PACRG: variants seen among roughly 807,000 people sequenced by gnomAD.
PACRG encodes parkin coregulated, also known as parkin coregulated gene protein.
A neutral mutation model predicts 29.7 loss-of-function variants in PACRG; 29 were observed. The ratio of observed to expected loss-of-function variants is 0.98; its 90% CI spans 0.73 to 1.33. PACRG has a LOEUF of 1.33. Ranked by LOEUF, PACRG falls within the 40% of genes most tolerant of loss-of-function variation. The probability of loss-of-function intolerance (pLI) is 0.00; values close to 1 mark genes in which losing one functional copy is unlikely to be tolerated. For synonymous variants in PACRG, 116 were observed against 118.7 expected, an observed-to-expected ratio of 0.98 and a Z score of 0.15; for missense variants, 279 against 316.2, an observed-to-expected ratio of 0.88 and a Z score of 0.89.
At chr6:163,203,813 C>T (rs941889628) in intron 4 of PACRG, among the ~76,000 whole-genome samples, 1 of 152,176 alleles carries the variant, frequency 6.6e-6, no homozygotes, top group Non-Finnish European at 1.5e-5. Context: ...TGTCATTGAG[C>T]TGATGCATGT....
At chr6:163,255,212 A>T (rs978805690) in intron 4 of PACRG, among the ~76,000 whole-genome samples, 7 of 152,196 alleles carry the variant, frequency 4.6e-5, no homozygotes, top group African/African-American at 9.7e-5. Context: ...GTCACCTGGG[A>T]GGCTCAGGAA....
intron 3 of PACRG, among the ~76,000 whole-genome samples, chr6:163,088,398 A>G (rs549132290): frequency 1.3e-5 from 2 of 152,272 alleles, no homozygotes; most frequent in African/African-American, 4.8e-5. Context: ...TACTTAAACC[A>G]TGGTACTTTT....
chr6:163,081,582 C>A (rs1813078466), intron 3 of PACRG, among the ~76,000 whole-genome samples: 1 of 152,112 alleles, frequency 6.6e-6, no homozygotes, highest in African/African-American at 2.4e-5. Flanking sequence ...CATAGTGAGA[C>A]CCCATCTCTA....
chr6:162,930,903 C>T (rs754456798), intron 2 of PACRG, among the ~76,000 whole-genome samples: 3 of 151,842 alleles, frequency 2.0e-5, no homozygotes, highest in Admixed American at 6.6e-5. Context: ...GTGGAAACCT[C>T]CTTGCATCCC....
rs527439508 is a variant in PACRG, at chr6:163,156,205, A to G, written c.613+66797A>G. Among the ~76,000 whole-genome samples the G allele has an allele frequency of 2.2e-3, 337 of 152,304 alleles. 3 individuals are homozygous for G. Among genetic ancestry groups the G allele is most frequent in the African/African-American group, 7.6e-3 (316 of 41,558 alleles). ...CTCTGGGCTTCAGCCACCGCCTTTAAGCTCATGACTCCGAAATTTCAGTTT... is the reference window on the plus strand; with the variant it reads ...CTCTGGGCTTCAGCCACCGCCTTTAGGCTCATGACTCCGAAATTTCAGTTT... On this transcript the variant is annotated intron_variant, in intron 4 of 4. Coordinates refer to ENST00000366888, the MANE Select transcript of PACRG (RefSeq NM_001080379.2).
chr6:163,217,917 A>T (rs530372531), intron 4 of PACRG, among the ~76,000 whole-genome samples: 125 of 152,124 alleles, frequency 8.2e-4, no homozygotes, highest in Non-Finnish European at 1.5e-3. Flanking sequence ...ATTTCATTAT[A>T]TATTACAATG....
chr6:162,988,223 G>T (rs1803080603), intron 2 of PACRG, among the ~76,000 whole-genome samples: 1 of 152,152 alleles, frequency 6.6e-6, no homozygotes, highest in Non-Finnish European at 1.5e-5. Flanking sequence ...CTTCCTCTCT[G>T]AGTCCAGGAG....
At chr6:162,974,848 C>T (rs1801816693) in intron 2 of PACRG, among the ~76,000 whole-genome samples, 1 of 152,134 alleles carries the variant, frequency 6.6e-6, no homozygotes, top group Non-Finnish European at 1.5e-5. Context: ...ATGAGTGGGG[C>T]TTGAACCTGG....
intron 4 of PACRG, among the ~76,000 whole-genome samples, chr6:163,250,863 G>A (rs182567819): frequency 1.3e-4 from 19 of 146,950 alleles, no homozygotes; most frequent in African/African-American, 4.5e-4. Context: ...ATCAATCAAT[G>A]AGTGGATAAA....
chr6:162,772,056 A>C (rs1398591261), intron 1 of PACRG, among the ~76,000 whole-genome samples: 1 of 152,198 alleles, frequency 6.6e-6, no homozygotes, highest in East Asian at 1.9e-4. Context: ...AATTTGATAA[A>C]AAGATAAGAT....
In PACRG at chr6:163,006,930, T is replaced by A. The variant is rs1441047814; in HGVS notation, c.292-55220T>A. Among the ~76,000 whole-genome samples the A allele has an allele frequency of 3.9e-5, 6 of 152,210 alleles. No homozygotes were observed. In the South Asian group the frequency reaches 6.2e-4, roughly 16 times the overall value. Reference sequence around the variant, plus strand: ...TTTTGATTAATTGCTTCTATTATGATTATGATGTGGTTGTTTCATAAATGT... The same window carrying A: ...TTTTGATTAATTGCTTCTATTATGAATATGATGTGGTTGTTTCATAAATGT... On this transcript the variant is annotated intron_variant, in intron 2 of 4. Coordinates refer to ENST00000366888, the MANE Select transcript of PACRG (RefSeq NM_001080379.2).
intron 4 of PACRG, among the ~76,000 whole-genome samples, chr6:163,122,420 G>A (rs573968724): frequency 2.0e-5 from 3 of 152,172 alleles, no homozygotes; most frequent in African/African-American, 4.8e-5. Flanking sequence ...GGAGCCTACC[G>A]GGCGGTGTTT....
intron 4 of PACRG, among the ~76,000 whole-genome samples, chr6:163,134,999 A>G (rs1585253819): frequency 1.3e-5 from 2 of 152,120 alleles, no homozygotes; most frequent in South Asian, 4.1e-4. Flanking sequence ...ATCATTCTTT[A>G]TCATTCACAC....
intron 2 of PACRG, among the ~76,000 whole-genome samples, chr6:163,006,373 A>T (rs1444073234): frequency 6.6e-6 from 1 of 151,168 alleles, no homozygotes; most frequent in Non-Finnish European, 1.5e-5. Context: ...TCTGGGTGTA[A>T]AGAAGATACA....
intron 3 of PACRG, 79 bp from the exon 4 acceptor site, chr6:163,089,180 A>G (rs919294276): frequency 4.1e-6 from 6 of 1,454,920 alleles, no homozygotes; most frequent in Non-Finnish European, 4.7e-6. Context: ...TGCAACCACA[A>G]GACAACTTTA....
chr6:162,937,642 G>A (rs138210910), intron 2 of PACRG, among the ~76,000 whole-genome samples: 1 of 152,212 alleles, frequency 6.6e-6, no homozygotes, highest in African/African-American at 2.4e-5. Flanking sequence ...AAGTATGGTC[G>A]TATTTGCCCT....
chr6:163,231,159 C>T (rs1027854352), intron 4 of PACRG, among the ~76,000 whole-genome samples: 3 of 152,160 alleles, frequency 2.0e-5, no homozygotes, highest in Non-Finnish European at 4.4e-5. Flanking sequence ...GGCAGGCCCA[C>T]GGGGGAGCCG....
intron 2 of PACRG, among the ~76,000 whole-genome samples, chr6:162,969,247 C>T (rs1801323586): frequency 6.6e-6 from 1 of 152,034 alleles, no homozygotes; most frequent in African/African-American, 2.4e-5. Flanking sequence ...AGGTTCAAGA[C>T]AGAAAACCGA....
At chr6:162,954,568 T>C (rs1799884742) in intron 2 of PACRG, among the ~76,000 whole-genome samples, 2 of 152,188 alleles carry the variant, frequency 1.3e-5, no homozygotes, top group Non-Finnish European at 2.9e-5. Context: ...ATTTCTGGTG[T>C]CCAGAGCTGC....
Sources: gnomAD v4.1 joint callset for allele counts (sites outside exome capture counted in the v4.1 genomes callset) on GRCh38, gnomAD v4.1.1 for gene constraint, MANE v1.5 for transcripts, NCBI Gene and HGNC (gene_info 2026-07-23, HGNC 2026-07-21) for gene names.